CNTNAP2: variants seen among roughly 807,000 people sequenced by gnomAD.
CNTNAP2 encodes contactin-associated protein-like 2.
CNTNAP2 carries 98 observed loss-of-function variants against 155.2 expected under a neutral mutation model. The ratio of observed to expected loss-of-function variants is 0.63; its 90% CI spans 0.54 to 0.75. CNTNAP2 has a LOEUF of 0.75. Among genes scored for constraint, CNTNAP2 ranks in the 30% least tolerant of loss-of-function variants. CNTNAP2 has a pLI of 0.00. For synonymous variants in CNTNAP2, 651 were observed against 631.2 expected (o/e 1.03, Z -0.47); for missense variants, 1,727 against 1,688.1 (o/e 1.02, Z -0.40).
At chr7:146,583,111 C>T (rs774691707) in intron 1 of CNTNAP2, among the ~76,000 whole-genome samples, 14 of 151,738 alleles carry the variant, frequency 9.2e-5, no homozygotes, top group Non-Finnish European at 2.1e-4. Flanking sequence ...GTGTGGGAGC[C>T]GACAGAGTCA....
At chr7:147,271,184 G>T (rs1804741804) in intron 8 of CNTNAP2, among the ~76,000 whole-genome samples, 1 of 152,132 alleles carries the variant, frequency 6.6e-6, no homozygotes, top group African/African-American at 2.4e-5. Flanking sequence ...ATAGATCCTT[G>T]TCTTAGCTGC....
In CNTNAP2 at chr7:146,929,618, G is replaced by C. The variant is rs533222288; in HGVS notation, c.402+89714G>C. On this transcript the variant is annotated intron_variant, in intron 3 of 23. Coordinates refer to ENST00000361727, the MANE Select transcript of CNTNAP2 (RefSeq NM_014141.6). ...GACTTTGACGAGTTGAGAGAATAAGGCTTCAGATGATCAAACTACTCCGAG... is the reference window on the plus strand; with the variant it reads ...GACTTTGACGAGTTGAGAGAATAAGCCTTCAGATGATCAAACTACTCCGAG... Among the ~76,000 whole-genome samples the C allele has an allele frequency of 4.6e-5, 7 of 152,254 alleles. No individual in the cohort carries two copies. In the East Asian group the frequency reaches 1.4e-3, roughly 29 times the overall value.
At chr7:147,404,932 C>T (rs909192180) in intron 10 of CNTNAP2, among the ~76,000 whole-genome samples, 2 of 151,976 alleles carry the variant, frequency 1.3e-5, no homozygotes, top group African/African-American at 4.8e-5. Context: ...AGTGAAATGC[C>T]AGAGGAGATA....
chr7:147,387,745 T>G (rs1038697165), intron 9 of CNTNAP2, among the ~76,000 whole-genome samples: 1 of 152,188 alleles, frequency 6.6e-6, no homozygotes, highest in African/African-American at 2.4e-5. Flanking sequence ...AATATACGAT[T>G]ATTATTGACT....
At chr7:147,318,655 G>T (rs1044778254) in intron 9 of CNTNAP2, among the ~76,000 whole-genome samples, 7 of 151,844 alleles carry the variant, frequency 4.6e-5, no homozygotes, top group African/African-American at 1.7e-4. Context: ...CACACACTGG[G>T]GCCTATCGGG....
intron 3 of CNTNAP2, among the ~76,000 whole-genome samples, chr7:146,871,394 A>G (rs924913047): frequency 1.1e-4 from 17 of 151,952 alleles, no homozygotes; most frequent in Middle Eastern, 3.4e-3. Flanking sequence ...GGCGATCCTA[A>G]TGGCAGGTGC....
chr7:147,516,713 A>T (rs1287173981), intron 11 of CNTNAP2, among the ~76,000 whole-genome samples: 1 of 151,972 alleles, frequency 6.6e-6, no homozygotes, highest in African/African-American at 2.4e-5. Flanking sequence ...AAATTCATTT[A>T]TAATTTATAA....
intron 18 of CNTNAP2, among the ~76,000 whole-genome samples, chr7:148,206,104 C>CAT (rs1409711832): frequency 1.3e-5 from 2 of 150,642 alleles, no homozygotes; most frequent in Non-Finnish European, 3.0e-5. Flanking sequence ...TATTCATGTT[C>CAT]ATATATATAT....
At chr7:147,595,469 T>A (rs974055310) in intron 12 of CNTNAP2, among the ~76,000 whole-genome samples, 1 of 152,216 alleles carries the variant, frequency 6.6e-6, no homozygotes, top group Non-Finnish European at 1.5e-5. Flanking sequence ...ATTTACAAAT[T>A]GAAAAAGTTT....
At chr7:146,516,507 T>C (rs2129136512) in intron 1 of CNTNAP2, among the ~76,000 whole-genome samples, 2 of 152,098 alleles carry the variant, frequency 1.3e-5, no homozygotes, top group South Asian at 4.1e-4. Context: ...GAATGGGCAT[T>C]TTGCGGCAGT....
chr7:147,930,818 C>T (rs546211490), intron 14 of CNTNAP2, among the ~76,000 whole-genome samples: 71 of 152,132 alleles, frequency 4.7e-4, no homozygotes, highest in Admixed American at 3.9e-3. Context: ...TTCAATAAAC[C>T]TAAGATTAAA....
At chr7:147,108,032 C>G in intron 4 of CNTNAP2, 115 bp from the exon 5 acceptor site, 1 of 917,650 alleles carries the variant, frequency 1.1e-6, no homozygotes, top group East Asian at 2.6e-5. Context: ...AGAGGACTGT[C>G]AATTTCTCAA....
intron 1 of CNTNAP2, among the ~76,000 whole-genome samples, chr7:146,726,763 C>T (rs546911148): frequency 6.6e-6 from 1 of 152,188 alleles, no homozygotes; most frequent in South Asian, 2.1e-4. Flanking sequence ...CCTCATTTTA[C>T]AGTTTACTAA....
At chr7:146,307,225 C>T (rs182675152) in intron 1 of CNTNAP2, among the ~76,000 whole-genome samples, 4 of 152,240 alleles carry the variant, frequency 2.6e-5, no homozygotes, top group East Asian at 1.9e-4. Context: ...AACTCCCATT[C>T]ACAATTGCTT....
Position 146,587,982 on chromosome 7 carries a change from AATTTTCAAACAAACCG to A in CNTNAP2, c.98-186288_98-186273del, listed in dbSNP as rs1338096382. Among the ~76,000 whole-genome samples, 128 of 147,258 alleles carry A rather than the reference AATTTTCAAACAAACCG, an allele frequency of 8.7e-4. 1 individual carries two copies. The highest frequency in any genetic ancestry group is 3.0e-3 in the African/African-American group (119 of 39,838). On this transcript the variant is annotated intron_variant, in intron 1 of 23. Transcript: ENST00000361727. ...AGCCACTGCGCCCGGCCTGATGATT[AATTTTCAAACAAACCG>A]TGTGTGTATGTGTGTGTGTGTGTGT...
rs113498652 is a variant in CNTNAP2, at chr7:146,924,124, G to T, written c.402+84220G>T. Among the ~76,000 whole-genome samples, 301 of 152,180 alleles carry T rather than the reference G, an allele frequency of 2.0e-3. 2 individuals carry two copies. The highest frequency in any genetic ancestry group is 6.7e-3 in the African/African-American group (277 of 41,534). On this transcript the variant is annotated intron_variant, in intron 3 of 23. Transcript: ENST00000361727. ...AACTAAACTGAACAATGACATCCCT[G>T]CCATGTTCTGTCCCAATAGTGGGTT...
rs866439441 is a variant in CNTNAP2 at position 146,304,267 on chromosome 7, A to C, written c.97+187294A>C. 3.4e-4 allele frequency among the ~76,000 whole-genome samples: 51 copies of C among 151,954 alleles called. 1 individual carries two copies. The highest frequency in any genetic ancestry group is 6.6e-5 in the Admixed American group (1 of 15,262). The stretch of plus-strand genomic sequence containing the variant: ...TTTAATTGGAGCACTTAGGCAATTT[A>C]CAGTTAAGGTTAATATTGTTATGTG... On this transcript the variant is annotated intron_variant, in intron 1 of 23. Coordinates refer to ENST00000361727, the MANE Select transcript of CNTNAP2 (RefSeq NM_014141.6).
chr7:148,063,810 A>C (rs1370317210), intron 15 of CNTNAP2, among the ~76,000 whole-genome samples: 1 of 151,990 alleles, frequency 6.6e-6, no homozygotes, highest in Non-Finnish European at 1.5e-5. Context: ...TGCCTAAGCC[A>C]ATGTCTAGAA....
chr7:146,989,784 G>A (rs75402851), intron 3 of CNTNAP2, among the ~76,000 whole-genome samples: 4,798 of 151,992 alleles, frequency 0.032, 260 homozygotes, highest in African/African-American at 0.11. Context: ...TTAGTAACTC[G>A]TTGGCTCTCC....
Sources: gnomAD v4.1 joint callset for allele counts (sites outside exome capture counted in the v4.1 genomes callset) on GRCh38, gnomAD v4.1.1 for gene constraint, MANE v1.5 for transcripts, NCBI Gene and HGNC (gene_info 2026-07-23, HGNC 2026-07-21) for gene names.